Variants in VEZF1 observed in about 807,000 individuals in gnomAD.
VEZF1 encodes the protein vascular endothelial zinc finger 1.
A neutral mutation model predicts 44.1 loss-of-function variants in VEZF1; 5 were observed. The ratio of observed to expected loss-of-function variants is 0.11; its 90% CI spans 0.06 to 0.24. The LOEUF (loss-of-function observed/expected upper bound fraction) is 0.24, where lower values mean the gene tolerates loss of function less well. Among genes scored for constraint, VEZF1 ranks in the 10% least tolerant of loss-of-function variants. VEZF1 has a pLI of 1.00. For synonymous variants in VEZF1, 236 were observed against 233.1 expected (o/e 1.01, Z -0.11); for missense variants, 358 against 641.8 (o/e 0.56, Z 4.78).
rs1433708782 is a variant in VEZF1, at chr17:57,980,600, TA to T, written c.976+2del. ...AAGAAAGAAAATCTGAAGCACCACC[TA>T]CTTTTACTGATGCCTTGTTTACATG... is the stretch of plus-strand genomic sequence containing the variant. On this transcript the variant is annotated splice_donor_variant, in intron 4 of 5. Coordinates refer to ENST00000581208, the MANE Select transcript of VEZF1 (RefSeq NM_007146.3). LOFTEE classifies it high-confidence loss of function. 6.2e-7 allele frequency: 1 copy of T among 1,611,764 alleles called. No homozygotes were observed. Among genetic ancestry groups the T allele is most frequent in the Non-Finnish European group, 8.5e-7 (1 of 1,179,646 alleles).
At chr17:57,975,353 A>G (rs2075179958) in intron 5 of VEZF1, among the ~76,000 whole-genome samples, 2 of 152,248 alleles carry the variant, frequency 1.3e-5, no homozygotes, top group East Asian at 1.9e-4. Flanking sequence ...TGGTTACACA[A>G]TAACAGATAA....
rs980355953 is a variant in VEZF1, at chr17:57,983,469, A to G, written c.34-76T>C. The G allele has an allele frequency of 3.3e-5, 43 of 1,285,724 alleles. No individual in the cohort carries two copies. The South Asian group carries it at 5.2e-4, about 15-fold the overall frequency. The allele number at this position is 1,285,724 out of a possible 1,614,324, so 79.6% of individuals were successfully genotyped here. On this transcript the variant is annotated intron_variant, in intron 1 of 5. Transcript: ENST00000581208. ...CGAAATTCAACATGCTCCAGACAAT[A>G]GAGACCAGAAGAAACAGTCAAAGAA...
chr17:57,974,257 G>C lies in VEZF1; in HGVS notation c.*216C>G, dbSNP rs111532912. 6.9e-6 allele frequency: 4 copies of C among 579,712 alleles called. No individual in the cohort carries two copies. Among genetic ancestry groups the C allele is most frequent in the African/African-American group, 5.6e-5 (3 of 53,822 alleles). The allele number at this position is 579,712 out of a possible 1,614,324, so 35.9% of individuals were successfully genotyped here. ...TTTAAGCAATGTTGTCAGCTAAAAGGAATTTCTGATTAAACTAAAGTGGTC... is the reference window on the plus strand; with the variant it reads ...TTTAAGCAATGTTGTCAGCTAAAAGCAATTTCTGATTAAACTAAAGTGGTC... On this transcript the variant is annotated 3_prime_UTR_variant, in exon 6 of 6. Transcript: ENST00000581208.
At chr17:57,982,052 A>G in intron 2 of VEZF1, 116 bp from the exon 3 acceptor site, 1 of 1,061,850 alleles carries the variant, frequency 9.4e-7, no homozygotes, top group Non-Finnish European at 1.4e-6. Flanking sequence ...GAAAGCTAGC[A>G]GAATTACCAA....
At position 57,986,463 on chromosome 17, in the gene VEZF1, T is replaced by C. The variant is rs891828890; in HGVS notation, c.33+1616A>G. 3.3e-5 allele frequency among the ~76,000 whole-genome samples: 5 copies of C among 152,336 alleles called. 1 individual carries two copies. On this transcript the variant is annotated intron_variant, in intron 1 of 5. Coordinates refer to ENST00000581208, the MANE Select transcript of VEZF1 (RefSeq NM_007146.3). Reference sequence around the variant, plus strand: ...CCACCTTTACACCAACCTGGATGCATGCTAGTTATATATCATTTCTTTTCC... The same window carrying C: ...CCACCTTTACACCAACCTGGATGCACGCTAGTTATATATCATTTCTTTTCC...
chr17:57,977,287 TTTG>T (rs796748911), intron 5 of VEZF1, among the ~76,000 whole-genome samples: 10 of 151,970 alleles, frequency 6.6e-5, no homozygotes, highest in African/African-American at 2.4e-4. Flanking sequence ...CGGCTAATTT[TTTG>T]TTGTTGTTGT....
At chr17:57,977,463 G>A (rs1354339730) in intron 5 of VEZF1, among the ~76,000 whole-genome samples, 2 of 152,096 alleles carry the variant, frequency 1.3e-5, no homozygotes, top group African/African-American at 4.8e-5. Context: ...ATCTTCAGAT[G>A]GAAGCTAGGA....
intron 4 of VEZF1, among the ~76,000 whole-genome samples, chr17:57,980,031 CCAG>C (rs1428170211): frequency 1.4e-4 from 21 of 147,518 alleles, no homozygotes; most frequent in African/African-American, 5.2e-4. Flanking sequence ...GTACAACATA[CCAG>C]TGTACTTACA....
chr17:57,979,967 T>C (rs1421760685), intron 4 of VEZF1, among the ~76,000 whole-genome samples: 1 of 106,416 alleles, frequency 9.4e-6, no homozygotes, highest in East Asian at 2.6e-4. Context: ...GAAGACTCCG[T>C]CTCAAAAAAA....
intron 5 of VEZF1, among the ~76,000 whole-genome samples, chr17:57,978,073 C>T (rs927747637): frequency 1.3e-5 from 2 of 151,804 alleles, no homozygotes; most frequent in African/African-American, 4.8e-5. Flanking sequence ...TGTGGTGGCA[C>T]ACACCTGTCG....
At chr17:57,981,033 T>C (rs1393198743) in intron 3 of VEZF1, among the ~76,000 whole-genome samples, 1 of 152,248 alleles carries the variant, frequency 6.6e-6, no homozygotes, top group Non-Finnish European at 1.5e-5. Flanking sequence ...TAGGGTAAGT[T>C]AAACCTGGGT....
chr17:57,984,195 T>C (rs899327241), intron 1 of VEZF1, among the ~76,000 whole-genome samples: 1 of 152,246 alleles, frequency 6.6e-6, no homozygotes, highest in Admixed American at 6.5e-5. Context: ...ATATTCATCT[T>C]CTTCCAGCAG....
At chr17:57,981,554 C>A (rs760529609) in intron 3 of VEZF1, among the ~76,000 whole-genome samples, 2 of 151,996 alleles carry the variant, frequency 1.3e-5, no homozygotes, top group African/African-American at 4.8e-5. Context: ...GAAATTAAAG[C>A]CCTTTATTCT....
chr17:57,985,390 C>T, intron 1 of VEZF1: 3 of 1,228,126 alleles, frequency 2.4e-6, no homozygotes, highest in Non-Finnish European at 3.0e-6. Context: ...AGGAATCACT[C>T]TCTGAGGATT....
intron 1 of VEZF1, among the ~76,000 whole-genome samples, chr17:57,986,474 TATC>T (rs2143378089): frequency 6.6e-6 from 1 of 152,350 alleles, no homozygotes; most frequent in Admixed American, 6.5e-5. Flanking sequence ...GCTAGTTATA[TATC>T]ATTTCTTTTC....
chr17:57,981,719 A>G (rs894153398), intron 3 of VEZF1, among the ~76,000 whole-genome samples, 154 bp downstream of exon 3: 8 of 152,254 alleles, frequency 5.3e-5, no homozygotes, highest in African/African-American at 1.9e-4. Context: ...AGAAGCTGTC[A>G]GTTATATTTT....
intron 4 of VEZF1, 134 bp from the exon 5 acceptor site, chr17:57,979,447 C>T: frequency 7.4e-7 from 1 of 1,357,840 alleles, no homozygotes; most frequent in East Asian, 2.4e-5. Flanking sequence ...ATCTTTTTTG[C>T]TGCTGTGTCT....
chr17:57,983,240 T>C lies in VEZF1; in HGVS notation c.187A>G (p.Ile63Val). 2 of 1,614,076 alleles carry C rather than the reference T, an allele frequency of 1.2e-6. No homozygotes were observed. The highest frequency in any genetic ancestry group is 1.7e-6 in the Non-Finnish European group (2 of 1,180,004). ...QGAPETLKDA[I>V]GIKKEKPKTS... ...TTGGGTTTTTCTTTTTTAATCCCAA[T>C]GGCATCCTTTAATGTTTCTGGTGCA... is the stretch of plus-strand genomic sequence containing the variant. Residue 63 changes from isoleucine to valine, a missense_variant, in exon 2 of 6, where the codon ATT becomes GTT. By Grantham distance (29) the Ile-to-Val change is conservative. This residue lies in a region of VEZF1 where 117 missense variants were observed against 207.2 expected (regional missense o/e 0.56). Transcript: ENST00000581208.
chr17:57,973,426 T>C lies in VEZF1; in HGVS notation c.*1047A>G, dbSNP rs1474088836. The stretch of plus-strand genomic sequence containing the variant: ...CTGCATGTTCTGAAGGGGCATACAC[T>C]ACCTAGTTAGTGGTTAGAATAAAAA... On this transcript the variant is annotated 3_prime_UTR_variant, in exon 6 of 6. Coordinates refer to ENST00000581208, the MANE Select transcript of VEZF1 (RefSeq NM_007146.3). 6.6e-6 allele frequency: 1 copy of C among 152,656 alleles called. No homozygotes were observed. The highest frequency in any genetic ancestry group is 1.5e-5 in the Non-Finnish European group (1 of 68,046). 9.5% of individuals were successfully genotyped at this position (152,656 alleles called of 1,614,324 possible). A position where few individuals can be genotyped will look rare whatever the true frequency, so the allele number is the denominator to read the frequency against.
Sources: gnomAD v4.1 joint callset for allele counts (sites outside exome capture counted in the v4.1 genomes callset) on GRCh38, gnomAD v4.1.1 for gene constraint, gnomAD v4.1.1 regional missense constraint, MANE v1.5 for transcripts, NCBI Gene and HGNC (gene_info 2026-07-23, HGNC 2026-07-21) for gene names.